Variants in EXOSC10 observed in about 807,000 individuals in gnomAD.
The protein encoded by EXOSC10 is exosome complex component 10.
A neutral mutation model predicts 126.6 loss-of-function variants in EXOSC10; 94 were observed. The observed-to-expected ratio is 0.74, with a 90% CI of 0.63 to 0.88. The LOEUF is 0.88. Ranked by LOEUF, EXOSC10 falls within the 40% of genes least tolerant of loss-of-function variation. The pLI, the probability that EXOSC10 is intolerant of heterozygous loss-of-function variation, is 0.00. For missense variants in EXOSC10, 1,041 were observed against 1,100.5 expected (o/e 0.95, Z 0.77); for synonymous variants, 395 against 400.8 (o/e 0.99, Z 0.17).
At chr1:11,096,299 C>A (rs953208150) in intron 2 of EXOSC10, among the ~76,000 whole-genome samples, 2 of 151,008 alleles carry the variant, frequency 1.3e-5, no homozygotes, top group African/African-American at 4.9e-5. Flanking sequence ...TATGGGCACA[C>A]GCCACCAGGT....
chr1:11,080,858 G>C lies in EXOSC10; in HGVS notation c.1492C>G (p.Gln498Glu). The C allele has an allele frequency of 6.2e-7, 1 of 1,614,028 alleles. No individual in the cohort carries two copies. Among genetic ancestry groups the C allele is most frequent in the Non-Finnish European group, 8.5e-7 (1 of 1,179,994 alleles). ...DESYLELYRK[Q>E]KKHLNTQQLT... ...TGCTGTGTGTTAAGGTGCTTCTTCTGCTTCCTATAGAGTTCAAGGTAGGAC... is the reference window on the plus strand; with the variant it reads ...TGCTGTGTGTTAAGGTGCTTCTTCTCCTTCCTATAGAGTTCAAGGTAGGAC... The change falls in exon 12 of 25, where the codon CAG (glutamine) becomes GAG (glutamate). Residue 498 changes from glutamine (Q) to glutamate (E), a missense_variant. Gln to Glu is a conservative substitution (Grantham distance 29). Around this residue, in one of 3 missense-constraint regions of EXOSC10, gnomAD observed 645 missense variants for 656.3 expected, o/e 0.98. Transcript: ENST00000376936.
chr1:11,095,592 T>C (rs1204253124), intron 3 of EXOSC10, 166 bp downstream of exon 3: 1 of 522,226 alleles, frequency 1.9e-6, no homozygotes, highest in Non-Finnish European at 3.4e-6. Flanking sequence ...CGGGCGCCTG[T>C]AGTCCCAGCT....
At chr1:11,089,412 C>T (rs1640675216) in intron 6 of EXOSC10, among the ~76,000 whole-genome samples, 1 of 150,510 alleles carries the variant, frequency 6.6e-6, no homozygotes, top group African/African-American at 2.4e-5. Context: ...GAGTTCGAGA[C>T]CAGCCTGACC....
intron 5 of EXOSC10, 101 bp downstream of exon 5, chr1:11,090,913 G>C (rs2100221471): frequency 8.2e-7 from 1 of 1,215,196 alleles, no homozygotes; most frequent in Admixed American, 2.3e-5. Flanking sequence ...ACAAAGGAGG[G>C]TGGGCTCCCT....
chr1:11,088,475 C>T (rs1017544064), intron 6 of EXOSC10, among the ~76,000 whole-genome samples: 3 of 152,174 alleles, frequency 2.0e-5, no homozygotes, highest in African/African-American at 7.2e-5. Flanking sequence ...TTGCAAAGTA[C>T]TGTATAGTTG....
chr1:11,082,079 CAAA>C (rs113030447), intron 10 of EXOSC10, among the ~76,000 whole-genome samples: 1 of 116,904 alleles, frequency 8.6e-6, no homozygotes. Flanking sequence ...AACTGCATCT[CAAA>C]AAAAAAAAAA....
chr1:11,068,307 C>G (rs1051576616), intron 23 of EXOSC10, among the ~76,000 whole-genome samples: 3 of 152,222 alleles, frequency 2.0e-5, no homozygotes, highest in African/African-American at 7.2e-5. Context: ...CCTGTGGAAG[C>G]TACAGCCACG....
rs1388585310 is a variant in EXOSC10 at position 11,081,112 on chromosome 1, C to T, written c.1407G>A (p.Val469=). The change falls in exon 11 of 25, where the codon GTG becomes GTA. Residue 469 remains valine (V), a synonymous_variant. Coordinates refer to ENST00000376936, the MANE Select transcript of EXOSC10 (RefSeq NM_001001998.3). ...GGCAGATGTCCCTGCTCCGTTGCCA[C>T]ACCACCTGCAGCTGCACCGGCTGCC... The part of the protein sequence containing the change: ...GNGQPVQLQV[V]WQRSRDICLK... The T allele has an allele frequency of 1.9e-6, 3 of 1,614,108 alleles. No individual in the cohort carries two copies. The highest frequency in any genetic ancestry group is 2.2e-5 in the East Asian group (1 of 44,900).
intron 18 of EXOSC10, 67 bp from the exon 19 acceptor site, chr1:11,074,075 G>T: frequency 1.3e-6 from 2 of 1,490,598 alleles, no homozygotes; most frequent in Non-Finnish European, 9.4e-7. Flanking sequence ...GGGCAGAAGC[G>T]CTCAGATGGG....
chr1:11,071,874 A>G, intron 20 of EXOSC10: 1 of 479,826 alleles, frequency 2.1e-6, no homozygotes, highest in South Asian at 3.2e-5. Flanking sequence ...CACCAACGAG[A>G]CAGCTACAGC....
In EXOSC10 at chr1:11,091,555, G is replaced by A; in HGVS notation, c.415C>T (p.Gln139Ter). 1.2e-6 allele frequency: 2 copies of A among 1,614,180 alleles called. No individual in the cohort carries two copies. The highest frequency in any genetic ancestry group is 1.7e-6 in the Non-Finnish European group (2 of 1,180,016). Residue 139 changes from glutamine to a stop codon, truncating the protein, a stop_gained, in exon 4 of 25, where the codon CAG (glutamine) becomes TAG (stop). Transcript: ENST00000376936. LOFTEE classifies it high-confidence loss of function. ...TGCAAGCCGGCAGGGAGGACAGGCT[G>A]TTGATTCTTGTTTACACCTGAGGCT... ...DEASGVNKNQ[Q>*]PVLPAGLQVP...
At chr1:11,097,210 C>A (rs1389406801) in intron 2 of EXOSC10, among the ~76,000 whole-genome samples, 4 of 150,038 alleles carry the variant, frequency 2.7e-5, no homozygotes, top group Admixed American at 6.6e-5. Context: ...ACTCCGTACT[C>A]CCCCCCAACA....
At chr1:11,092,509 G>A (rs959983963) in intron 3 of EXOSC10, among the ~76,000 whole-genome samples, 3 of 150,436 alleles carry the variant, frequency 2.0e-5, no homozygotes, top group Non-Finnish European at 4.4e-5. Flanking sequence ...CACTGTGCCT[G>A]GCCCTGTTTT....
chr1:11,072,219 C>T (rs766543276), intron 19 of EXOSC10, 48 bp from the exon 20 acceptor site: 2 of 1,430,358 alleles, frequency 1.4e-6, no homozygotes, highest in South Asian at 2.4e-5. Flanking sequence ...AAGTCAGCCA[C>T]CTAAGTCTGT....
rs752330753 is a variant in EXOSC10 at position 11,099,774 on chromosome 1, A to G, written c.58T>C (p.Ser20Pro). 1.8e-5 allele frequency: 29 copies of G among 1,611,878 alleles called. No homozygotes were observed. In the Admixed American group the frequency reaches 4.7e-4, roughly 26 times the overall value. Residue 20 changes from serine (S) to proline (P), a missense_variant, in exon 1 of 25, where the codon TCC becomes CCC. Around this residue, in one of 3 missense-constraint regions of EXOSC10, gnomAD observed 645 missense variants for 656.3 expected, o/e 0.98. Coordinates refer to ENST00000376936, the MANE Select transcript of EXOSC10 (RefSeq NM_001001998.3). ...CCTGGCAGCACCATCTCTCCGTCGG[A>G]TTTGGTTGCGCTGGTCGCCGACAGG... ...RVLSATSATK[S>P]DGEMVLPGFP...
rs766802497 is a variant in EXOSC10 at position 11,088,120 on chromosome 1, A to C, written c.834+3T>G. ...CACCTTTAAACTAAGGCTGGGTACT[A>C]ACCTGGGGTTGTGGCTTTTGAAGCA... On this transcript the variant is annotated splice_donor_region_variant and intron_variant, in intron 7 of 24. Coordinates refer to ENST00000376936, the MANE Select transcript of EXOSC10 (RefSeq NM_001001998.3). 5 of 1,612,246 alleles carry C rather than the reference A, an allele frequency of 3.1e-6. No homozygotes were observed. The highest frequency in any genetic ancestry group is 4.2e-6 in the Non-Finnish European group (5 of 1,178,772).
At chr1:11,093,545 C>G (rs1235525967) in intron 3 of EXOSC10, among the ~76,000 whole-genome samples, 2 of 152,152 alleles carry the variant, frequency 1.3e-5, no homozygotes, top group African/African-American at 4.8e-5. Context: ...TCAGGACTGT[C>G]AGATGGTTGA....
chr1:11,094,217 A>G (rs1227048739), intron 3 of EXOSC10, among the ~76,000 whole-genome samples: 3 of 152,040 alleles, frequency 2.0e-5, no homozygotes, highest in African/African-American at 7.2e-5. Flanking sequence ...AGCTCAAGCA[A>G]TCCTCTTACC....
At position 11,091,001 on chromosome 1, in the gene EXOSC10, A is replaced by G; in HGVS notation, c.643+13T>C. The stretch of plus-strand genomic sequence containing the variant: ...AGTGAGACTCAAACACAGGCAAAGT[A>G]TGCACTATTTACCTTGAGGGAGAGG... On this transcript the variant is annotated intron_variant, in intron 5 of 24. Transcript: ENST00000376936. 1.2e-6 allele frequency: 2 copies of G among 1,612,534 alleles called. No individual in the cohort carries two copies. The highest frequency in any genetic ancestry group is 1.1e-5 in the South Asian group (1 of 90,840).
Sources: gnomAD v4.1 joint callset for allele counts (sites outside exome capture counted in the v4.1 genomes callset) on GRCh38, gnomAD v4.1.1 for gene constraint, gnomAD v4.1.1 regional missense constraint, MANE v1.5 for transcripts, NCBI Gene and HGNC (gene_info 2026-07-23, HGNC 2026-07-21) for gene names.